ZSCAN31: variants seen among roughly 807,000 people sequenced by gnomAD.
The protein encoded by ZSCAN31 is zinc finger and SCAN domain-containing protein 31.
In ZSCAN31, 14 loss-of-function variants were observed where a neutral mutation model predicts 22.5. The ratio of observed to expected loss-of-function variants is 0.62; its 90% confidence interval spans 0.41 to 0.97. The LOEUF (loss-of-function observed/expected upper bound fraction) is 0.97, where lower values mean the gene tolerates loss of function less well. Ranked by LOEUF, ZSCAN31 falls within the 50% of genes least tolerant of loss-of-function variation. The probability of loss-of-function intolerance (pLI) is 0.00; values close to 1 mark genes in which losing one functional copy is unlikely to be tolerated. For missense variants in ZSCAN31, 424 were observed against 483.4 expected (o/e 0.88, Z 1.15); for synonymous variants, 168 against 169.8 (o/e 0.99, Z 0.08).
At chr6:28,348,474 A>G (rs1439930749) in intron 2 of ZSCAN31, among the ~76,000 whole-genome samples, 1 of 152,168 alleles carries the variant, frequency 6.6e-6, no homozygotes, top group Non-Finnish European at 1.5e-5. Context: ...CAAATATTAC[A>G]GTACTATTTG....
chr6:28,346,546 G>A (rs1370712914), intron 2 of ZSCAN31, among the ~76,000 whole-genome samples: 1 of 151,732 alleles, frequency 6.6e-6, no homozygotes, highest in African/African-American at 2.4e-5. Flanking sequence ...TAGTAGAGAC[G>A]GGGTTTCACC....
At chr6:28,339,086 A>G (rs1183155962), upstream of ZSCAN31, among the ~76,000 whole-genome samples, 2 of 152,190 alleles carry the variant, frequency 1.3e-5, no homozygotes, top group Admixed American at 6.5e-5. Flanking sequence ...TCTCTTTTCA[A>G]TGTGTTCAGT....
chr6:28,327,621 T>A lies in ZSCAN31; in HGVS notation c.382-88A>T, dbSNP rs1184951175. On this transcript the variant is annotated intron_variant, in intron 2 of 3. Transcript: ENST00000344279. The stretch of plus-strand genomic sequence containing the variant: ...ATGAAAGATATCACATGGAACTATA[T>A]GAAACATTTTCTAGAGAGATGTCAC... The A allele has an allele frequency of 5.7e-6, 8 of 1,411,334 alleles. No homozygotes were observed. The East Asian group carries it at 1.4e-4, about 24-fold the overall frequency. The allele number at this position is 1,411,334 out of a possible 1,614,324, so 87.4% of individuals were successfully genotyped here.
chr6:28,326,281 T>C lies in ZSCAN31; in HGVS notation c.1106A>G (p.His369Arg), dbSNP rs777336473. Residue 369 changes from histidine to arginine, a missense_variant, in exon 4 of 4, where the codon CAT (histidine) becomes CGT (arginine). Coordinates refer to ENST00000344279, the MANE Select transcript of ZSCAN31 (RefSeq NM_030899.5). The stretch of plus-strand genomic sequence containing the variant: ...TTTCTCACCAGTGTGGACTCGGAGA[T>C]GCTGGAAAAGCCCTGCATTCTGAAT... ...AFIQNAGLFQ[H>R]LRVHTGEKPY... 10 of 1,613,932 alleles carry C rather than the reference T, an allele frequency of 6.2e-6. No individual in the cohort carries two copies. Among genetic ancestry groups the C allele is most frequent in the Non-Finnish European group, 8.5e-6 (10 of 1,179,932 alleles).
At chr6:28,350,081 A>AGT (rs955657610) in intron 2 of ZSCAN31, 1 of 100,278 alleles carries the variant, frequency 1.0e-5, no homozygotes, top group East Asian at 2.8e-4. Context: ...CGTTTGCAGG[A>AGT]GTATGTGTGT....
chr6:28,344,975 C>CAA lies in ZSCAN31; in HGVS notation c.-370-3185_-370-3184dup, dbSNP rs11320776. On this transcript the variant is annotated intron_variant, in intron 2 of 7. Transcript: ENST00000396838. ...CAAAACCCGTTCTCTACTAAAACTA[C>CAA]AAAAAAAAAAAAAAGAAAAAATTAG... Among the ~76,000 whole-genome samples, 383 of 123,944 alleles carry CAA rather than the reference C, an allele frequency of 3.1e-3. 4 individuals carry two copies. Among genetic ancestry groups the CAA allele is most frequent in the African/African-American group, 9.5e-3 (350 of 36,722 alleles). The allele number at this position is 123,944 out of a possible 152,430, so 81.3% of individuals were successfully genotyped here.
In ZSCAN31 at chr6:28,351,762, TC is replaced by T. The variant is rs1765037577; in HGVS notation, c.-371+2099del. On this transcript the variant is annotated intron_variant, in intron 2 of 7. Coordinates refer to the ZSCAN31 transcript ENST00000396838. The surrounding 1 kb of genome is among the most constrained non-coding windows in gnomAD (Gnocchi z 4.6). The stretch of plus-strand genomic sequence containing the variant: ...TCTCCCCCTCTTTATCTCTTTTTTT[TC>T]CTCATTTCGTCCCTCTCTTCTCTTT... 6.6e-6 allele frequency among the ~76,000 whole-genome samples: 1 copy of T among 151,964 alleles called. No homozygotes were observed. The highest frequency in any genetic ancestry group is 2.4e-5 in the African/African-American group (1 of 41,338).
At chr6:28,346,046 C>A (rs1327923492) in intron 2 of ZSCAN31, among the ~76,000 whole-genome samples, 1 of 152,112 alleles carries the variant, frequency 6.6e-6, no homozygotes. Context: ...TCTATGTACC[C>A]TCTTGATTCT....
intron 1 of ZSCAN31, among the ~76,000 whole-genome samples, chr6:28,332,894 C>A (rs1251413121): frequency 6.6e-6 from 1 of 152,056 alleles, no homozygotes; most frequent in Non-Finnish European, 1.5e-5. Flanking sequence ...TGAAACAGGC[C>A]AATTTATGAT....
At chr6:28,341,002 T>G (rs1764389729), upstream of ZSCAN31, among the ~76,000 whole-genome samples, 1 of 152,244 alleles carries the variant, frequency 6.6e-6, no homozygotes, top group Non-Finnish European at 1.5e-5. Context: ...TATTTCACTC[T>G]TATTTTTGAA....
chr6:28,346,677 A>T (rs1764660497), intron 2 of ZSCAN31, among the ~76,000 whole-genome samples: 2 of 152,068 alleles, frequency 1.3e-5, no homozygotes, highest in Admixed American at 1.3e-4. Context: ...AGTCTTTATT[A>T]TTAAATGGAC....
At chr6:28,354,147 G>A (rs956808205) in exon 1 of ZSCAN31, 1 of 359,286 alleles carries the variant, frequency 2.8e-6, no homozygotes. Context: ...CTGTCTGCAA[G>A]ATGGCCAGTT....
intron 3 of ZSCAN31, 54 bp downstream of exon 3, chr6:28,327,329 C>G: frequency 6.3e-7 from 1 of 1,594,940 alleles, no homozygotes; most frequent in Non-Finnish European, 8.6e-7. Flanking sequence ...TCTTAACTAT[C>G]GCCCTATATA....
At position 28,327,567 on chromosome 6, in the gene ZSCAN31, G is replaced by C. The variant is rs371867494; in HGVS notation, c.382-34C>G. The C allele has an allele frequency of 8.6e-5, 138 of 1,603,864 alleles. No individual in the cohort carries two copies. In the African/African-American group the frequency reaches 1.6e-3, roughly 18 times the overall value. ...AGGTAGGCATATTTGGTTAAAGAGG[G>C]GGATTATAGGAGTACAAGCTAATAC... On this transcript the variant is annotated intron_variant, in intron 2 of 3. Coordinates refer to ENST00000344279, the MANE Select transcript of ZSCAN31 (RefSeq NM_030899.5).
intron 2 of ZSCAN31, among the ~76,000 whole-genome samples, chr6:28,343,339 GA>G (rs1420084433): frequency 6.6e-6 from 1 of 151,922 alleles, no homozygotes; most frequent in Non-Finnish European, 1.5e-5. Context: ...AATGGGAGTG[GA>G]AAGGTTAATA....
At position 28,351,257 on chromosome 6, in the gene ZSCAN31, A is replaced by G. The variant is rs115707145; in HGVS notation, c.-371+2605T>C. The stretch of plus-strand genomic sequence containing the variant: ...AAGTAGGGGCCAGGTAGTGAAACCT[A>G]AATGGAGTTTGTGGAATAAATGATA... On this transcript the variant is annotated intron_variant, in intron 2 of 7. Transcript: ENST00000396838. This position sits in a 1 kb window ranked among gnomAD's most constrained non-coding sequence, Gnocchi z 4.6. Among the ~76,000 whole-genome samples, 361 of 152,282 alleles carry G rather than the reference A, an allele frequency of 2.4e-3. 2 individuals carry two copies. Among genetic ancestry groups the G allele is most frequent in the African/African-American group, 8.1e-3 (338 of 41,544 alleles).
intron 2 of ZSCAN31, among the ~76,000 whole-genome samples, chr6:28,350,908 G>A (rs1447434664): frequency 6.6e-6 from 1 of 152,140 alleles, no homozygotes; most frequent in East Asian, 1.9e-4. Flanking sequence ...GAGATTAGGA[G>A]GAACAATAGA....
chr6:28,343,167 A>T (rs1764485266), intron 2 of ZSCAN31, among the ~76,000 whole-genome samples: 1 of 152,210 alleles, frequency 6.6e-6, no homozygotes, highest in Non-Finnish European at 1.5e-5. Flanking sequence ...TCTGAATATA[A>T]AACTGGAATG....
At chr6:28,343,270 T>C in intron 2 of ZSCAN31, among the ~76,000 whole-genome samples, 1 of 152,164 alleles carries the variant, frequency 6.6e-6, no homozygotes, top group East Asian at 1.9e-4. Context: ...TGGTAGTTTC[T>C]GAAACTGCTA....
Sources: gnomAD v4.1 joint callset for allele counts (sites outside exome capture counted in the v4.1 genomes callset) on GRCh38, gnomAD v4.1.1 for gene constraint, Gnocchi (gnomAD v3.1) non-coding constraint, MANE v1.5 for transcripts, NCBI Gene and HGNC (gene_info 2026-07-23, HGNC 2026-07-21) for gene names.